MUSK: variants seen among roughly 807,000 people sequenced by gnomAD.
The protein encoded by MUSK is muscle, skeletal receptor tyrosine-protein kinase.
A neutral mutation model predicts 88.7 loss-of-function variants in MUSK; 55 were observed. The ratio of observed to expected loss-of-function variants is 0.62; its 90% CI spans 0.50 to 0.78. The LOEUF (loss-of-function observed/expected upper bound fraction) is 0.78, where lower values mean the gene tolerates loss of function less well. Ranked by LOEUF, MUSK falls within the 30% of genes least tolerant of loss-of-function variation. The pLI is 0.00. For synonymous variants in MUSK, 387 were observed against 391.9 expected (o/e 0.99, Z 0.15); for missense variants, 1,015 against 1,074.3 (o/e 0.94, Z 0.77).
At position 110,694,215 on chromosome 9, in the gene MUSK, C is replaced by CAAAA. The variant is rs1217917603; in HGVS notation, c.359-1170_359-1167dup. On this transcript the variant is annotated intron_variant, in intron 3 of 14. Transcript: ENST00000374448. The stretch of plus-strand genomic sequence containing the variant: ...TGAAACCCCGTCTCCACTAAAAATA[C>CAAAA]AAAAAAAAAAAAAAAAAAAAATTAG... Among the ~76,000 whole-genome samples the CAAAA allele has an allele frequency of 3.5e-4, 25 of 72,094 alleles. 1 individual carries two copies. Among genetic ancestry groups the CAAAA allele is most frequent in the East Asian group, 2.3e-3 (6 of 2,656 alleles). The allele number at this position is 72,094 out of a possible 152,430, so 47.3% of individuals were successfully genotyped here.
At chr9:110,697,496 T>C in intron 5 of MUSK, 30 bp downstream of exon 5, 1 of 1,598,662 alleles carries the variant, frequency 6.3e-7, no homozygotes, top group Non-Finnish European at 8.5e-7. Context: ...CCCCTGACTG[T>C]GTGACCAGGG....
chr9:110,715,500 A>G (rs13287132), intron 5 of MUSK, among the ~76,000 whole-genome samples: 21,004 of 148,130 alleles, frequency 0.14, 2,216 homozygotes, highest in Non-Finnish European at 0.19. Context: ...TGACTTCCCA[A>G]CCTCTGAGTT....
intron 5 of MUSK, among the ~76,000 whole-genome samples, chr9:110,707,226 G>C (rs886371757): frequency 1.3e-5 from 2 of 152,002 alleles, no homozygotes; most frequent in South Asian, 4.1e-4. Flanking sequence ...TAAAATACCA[G>C]ACCATACAAA....
At chr9:110,682,535 C>A in intron 1 of MUSK, 139 bp from the exon 2 acceptor site, 1 of 744,026 alleles carries the variant, frequency 1.3e-6, no homozygotes, top group Non-Finnish European at 2.1e-6. Flanking sequence ...TTTACATAAG[C>A]TCTTCCTTTC....
At position 110,695,498 on chromosome 9, in the gene MUSK, G is replaced by T; in HGVS notation, c.454G>T (p.Val152Leu). ...CTTMGNPKPS[V>L]SWIKGDSPLR... is the part of the protein sequence containing the mutation. ...TACAATGGGTAATCCCAAACCATCA[G>T]TGTCTTGGATAAAGGGAGACAGCCC... Residue 152 changes from valine (V) to leucine (L), a missense_variant, in exon 4 of 15, where the codon GTG becomes TTG. Coordinates refer to ENST00000374448, the MANE Select transcript of MUSK (RefSeq NM_005592.4). 1 of 1,567,356 alleles carries T rather than the reference G, an allele frequency of 6.4e-7. No individual in the cohort carries two copies. The highest frequency in any genetic ancestry group is 1.4e-5 in the African/African-American group (1 of 74,014).
At chr9:110,757,733 G>A (rs922210286) in intron 7 of MUSK, among the ~76,000 whole-genome samples, 3 of 150,598 alleles carry the variant, frequency 2.0e-5, no homozygotes, top group Non-Finnish European at 4.4e-5. Context: ...TTAAAAAAAC[G>A]AACCTTTTGA....
At chr9:110,694,215 C>CAAAAAAAAA (rs1217917603) in intron 3 of MUSK, among the ~76,000 whole-genome samples, 94 of 71,828 alleles carry the variant, frequency 1.3e-3, no homozygotes, top group Non-Finnish European at 1.5e-3. Flanking sequence ...ACTAAAAATA[C>CAAAAAAAAA]AAAAAAAAAA....
In MUSK at chr9:110,692,739, CA is replaced by C. The variant is rs769769553; in HGVS notation, c.359-2663del. On this transcript the variant is annotated intron_variant, in intron 3 of 14. Transcript: ENST00000374448. Reference sequence around the variant, plus strand: ...AGAATTTCCTTGATGTCTCTGTTGTCATAACAAACTCACTTGTATGATACAA... The same window carrying C: ...AGAATTTCCTTGATGTCTCTGTTGTCTAACAAACTCACTTGTATGATACAA... 4.3e-4 allele frequency among the ~76,000 whole-genome samples: 65 copies of C among 151,940 alleles called. 1 individual carries two copies. The highest frequency in any genetic ancestry group is 6.9e-4 in the Non-Finnish European group (47 of 67,968).
intron 5 of MUSK, chr9:110,728,400 T>C: frequency 2.7e-6 from 1 of 367,284 alleles, no homozygotes; most frequent in Non-Finnish European, 4.9e-6. Context: ...GAATAAAAAT[T>C]CATGAAAGAG....
chr9:110,744,331 G>A (rs1770771060), intron 6 of MUSK, among the ~76,000 whole-genome samples: 2 of 152,188 alleles, frequency 1.3e-5, no homozygotes, highest in Non-Finnish European at 2.9e-5. Context: ...GCAAGACAGG[G>A]CCATTGAGGC....
intron 8 of MUSK, among the ~76,000 whole-genome samples, chr9:110,764,590 ATAGATAGATAGAT>A (rs1216699181): frequency 1.4e-5 from 2 of 146,792 alleles, no homozygotes; most frequent in East Asian, 2.0e-4. Context: ...ATTTAGATAG[ATAGATAGATAGAT>A]TAGATAGATA....
In MUSK at chr9:110,762,213, GA is replaced by G; in HGVS notation, c.920+8del. 7.0e-7 allele frequency: 1 copy of G among 1,434,964 alleles called. No homozygotes were observed. The highest frequency in any genetic ancestry group is 9.2e-7 in the Non-Finnish European group (1 of 1,091,144). The allele number at this position is 1,434,964 out of a possible 1,614,324, so 88.9% of individuals were successfully genotyped here. ...TTTCCTGTTAATAGAATGGAGGTAA[GA>G]AACTGTTATTGTAACAATTGTTTCC... On this transcript the variant is annotated splice_donor_region_variant and intron_variant, in intron 8 of 14. Coordinates refer to ENST00000374448, the MANE Select transcript of MUSK (RefSeq NM_005592.4).
intron 6 of MUSK, among the ~76,000 whole-genome samples, chr9:110,743,259 C>T (rs944522332): frequency 3.3e-5 from 5 of 152,136 alleles, no homozygotes; most frequent in South Asian, 2.1e-4. Context: ...AGTCCAGCAA[C>T]GTGTCCCAAA....
At chr9:110,721,046 A>T (rs1048200163) in intron 5 of MUSK, among the ~76,000 whole-genome samples, 1 of 152,154 alleles carries the variant, frequency 6.6e-6, no homozygotes, top group African/African-American at 2.4e-5. Flanking sequence ...GCATCCCATT[A>T]TGATTAAAAC....
intron 13 of MUSK, 108 bp downstream of exon 13, chr9:110,785,826 A>G: frequency 3.3e-6 from 2 of 599,812 alleles, no homozygotes; most frequent in South Asian, 5.5e-5. Context: ...ATATATATAC[A>G]CACACATATA....
chr9:110,800,116 G>A (rs907309420), intron 14 of MUSK, among the ~76,000 whole-genome samples, 190 bp from the exon 15 acceptor site: 2 of 152,158 alleles, frequency 1.3e-5, no homozygotes, highest in Non-Finnish European at 2.9e-5. Flanking sequence ...ACTACCCAGA[G>A]TGCATTTCCT....
intron 5 of MUSK, among the ~76,000 whole-genome samples, chr9:110,702,949 C>CA (rs1460071886): frequency 1.3e-5 from 2 of 150,858 alleles, no homozygotes; most frequent in Non-Finnish European, 3.0e-5. Flanking sequence ...GGTTCCAGGC[C>CA]AAAAAACCCA....
At chr9:110,742,126 T>G (rs564364352) in intron 6 of MUSK, among the ~76,000 whole-genome samples, 2 of 152,232 alleles carry the variant, frequency 1.3e-5, no homozygotes, top group South Asian at 2.1e-4. Flanking sequence ...GTTATAGTCT[T>G]AAGCCTGTCA....
chr9:110,696,221 T>C (rs2076428412), intron 4 of MUSK, among the ~76,000 whole-genome samples: 1 of 151,498 alleles, frequency 6.6e-6, no homozygotes, highest in African/African-American at 2.4e-5. Flanking sequence ...AGGTTGCAAG[T>C]GAGCCAAGAT....
Sources: allele counts gnomAD v4.1 joint callset (sites outside exome capture counted in the v4.1 genomes callset), GRCh38; gene constraint gnomAD v4.1.1; transcripts MANE v1.5; gene names NCBI Gene and HGNC (gene_info 2026-07-23, HGNC 2026-07-21).